Variants in GRID2 observed in about 807,000 individuals in gnomAD.
The protein encoded by GRID2 is glutamate ionotropic receptor delta type subunit 2, also known as glutamate receptor ionotropic, delta-2.
GRID2 carries 33 observed loss-of-function variants against 114.8 expected under a neutral mutation model. The ratio of observed to expected loss-of-function variants is 0.29; its 90% CI spans 0.22 to 0.38. GRID2 has a LOEUF of 0.38. Among genes scored for constraint, GRID2 ranks in the 10% least tolerant of loss-of-function variants. GRID2 has a pLI of 1.00. For synonymous variants in GRID2, 505 were observed against 449.9 expected, an observed-to-expected ratio of 1.12 and a Z score of -1.55; for missense variants, 1,184 against 1,257.7, an observed-to-expected ratio of 0.94 and a Z score of 0.89.
intron 9 of GRID2, among the ~76,000 whole-genome samples, chr4:93,419,833 C>T (rs1768087653): frequency 6.6e-6 from 1 of 151,928 alleles, no homozygotes. Flanking sequence ...AAAATATAAC[C>T]ATTTAGTACA....
chr4:92,469,504 G>A (rs1414721362), intron 1 of GRID2, among the ~76,000 whole-genome samples: 1 of 152,030 alleles, frequency 6.6e-6, no homozygotes, highest in African/African-American at 2.4e-5. Flanking sequence ...TATGTGAATA[G>A]TTGTCATACC....
intron 4 of GRID2, among the ~76,000 whole-genome samples, chr4:93,114,925 A>G (rs1304674204): frequency 5.9e-5 from 9 of 152,186 alleles, no homozygotes; most frequent in Non-Finnish European, 1.0e-4. Context: ...TGATGGATCA[A>G]TGATGTTCTG....
chr4:93,374,698 G>A (rs1033299853), intron 8 of GRID2, among the ~76,000 whole-genome samples: 1 of 152,038 alleles, frequency 6.6e-6, no homozygotes, highest in African/African-American at 2.4e-5. Context: ...GTTTCATCCT[G>A]TTTATATGAA....
chr4:92,880,667 C>A (rs139753907), intron 2 of GRID2, among the ~76,000 whole-genome samples: 1 of 151,718 alleles, frequency 6.6e-6, no homozygotes, highest in African/African-American at 2.4e-5. Flanking sequence ...ATGGCCTTTT[C>A]AAAAAAACAA....
chr4:93,209,173 T>C (rs10023234), intron 5 of GRID2, among the ~76,000 whole-genome samples: 59,461 of 151,784 alleles, frequency 0.39, 13,862 homozygotes, highest in Admixed American at 0.58. Context: ...TGGGGGTTTA[T>C]TGTACAGATT....
chr4:93,571,952 G>A (rs1161888532), intron 13 of GRID2, among the ~76,000 whole-genome samples: 1 of 152,184 alleles, frequency 6.6e-6, no homozygotes, highest in African/African-American at 2.4e-5. Context: ...AGGCTTAATC[G>A]CAGAAAAGGT....
intron 2 of GRID2, among the ~76,000 whole-genome samples, chr4:93,029,680 A>T (rs1724206416): frequency 6.6e-6 from 1 of 152,216 alleles, no homozygotes; most frequent in Non-Finnish European, 1.5e-5. Flanking sequence ...GAGTAATAGT[A>T]ACAAAATATA....
chr4:93,108,430 C>T (rs1269262937), intron 3 of GRID2, among the ~76,000 whole-genome samples: 1 of 152,078 alleles, frequency 6.6e-6, no homozygotes, highest in African/African-American at 2.4e-5. Flanking sequence ...TTTTTGTAAT[C>T]AGAAGATTTC....
At chr4:92,671,939 T>A (rs532318293) in intron 2 of GRID2, among the ~76,000 whole-genome samples, 2 of 152,248 alleles carry the variant, frequency 1.3e-5, no homozygotes, top group African/African-American at 4.8e-5. Context: ...CAGGATACTC[T>A]TACATACTGA....
At chr4:92,979,909 T>A (rs571274910) in intron 2 of GRID2, among the ~76,000 whole-genome samples, 1 of 152,090 alleles carries the variant, frequency 6.6e-6, no homozygotes, top group Non-Finnish European at 1.5e-5. Flanking sequence ...GTACTTAGAG[T>A]GGTCAGCAGG....
chr4:93,466,213 C>G (rs1724254925), intron 11 of GRID2, among the ~76,000 whole-genome samples: 1 of 152,068 alleles, frequency 6.6e-6, no homozygotes, highest in African/African-American at 2.4e-5. Flanking sequence ...AGTCTGAAAC[C>G]ATATGGGCTT....
At chr4:93,154,996 T>G (rs1022700917) in intron 4 of GRID2, among the ~76,000 whole-genome samples, 6 of 152,048 alleles carry the variant, frequency 3.9e-5, no homozygotes, top group African/African-American at 1.4e-4. Context: ...GTATTGGTCA[T>G]CTTTGCCTGG....
intron 1 of GRID2, among the ~76,000 whole-genome samples, chr4:92,313,487 A>G (rs903057392): frequency 3.9e-5 from 6 of 152,036 alleles, no homozygotes; most frequent in Non-Finnish European, 8.8e-5. Context: ...AAATTAAAAG[A>G]AAGAAAATAA....
chr4:93,769,600 T>C, intron 15 of GRID2, 150 bp downstream of exon 15: 1 of 698,424 alleles, frequency 1.4e-6, no homozygotes, highest in Non-Finnish European at 2.4e-6. Context: ...ATATAAAAAT[T>C]GGTAAGATCA....
chr4:93,050,395 G>A (rs2149279638), intron 2 of GRID2, among the ~76,000 whole-genome samples: 1 of 151,886 alleles, frequency 6.6e-6, no homozygotes, highest in Admixed American at 6.6e-5. Context: ...CCTTAATCAT[G>A]AATGCAAATA....
At chr4:93,479,037 C>T (rs1333605734) in intron 11 of GRID2, among the ~76,000 whole-genome samples, 2 of 152,016 alleles carry the variant, frequency 1.3e-5, no homozygotes, top group Admixed American at 6.6e-5. Context: ...GAGGATATTG[C>T]AGGTTCAGTT....
At chr4:92,383,773 T>G (rs1729731832) in intron 1 of GRID2, among the ~76,000 whole-genome samples, 1 of 151,994 alleles carries the variant, frequency 6.6e-6, no homozygotes, top group Non-Finnish European at 1.5e-5. Flanking sequence ...GTGTATATAA[T>G]ATTCAATAGT....
At chr4:92,655,647 G>T (rs1216938504) in intron 2 of GRID2, among the ~76,000 whole-genome samples, 3 of 151,484 alleles carry the variant, frequency 2.0e-5, no homozygotes, top group South Asian at 4.2e-4. Context: ...CTCTAAATGG[G>T]ATTGACTTCT....
chr4:92,947,892 T>G (rs1751755949), intron 2 of GRID2, among the ~76,000 whole-genome samples: 1 of 151,890 alleles, frequency 6.6e-6, no homozygotes. Context: ...CTATGTTGTT[T>G]GTTAATTACC....
Sources: allele counts gnomAD v4.1 joint callset (sites outside exome capture counted in the v4.1 genomes callset), GRCh38; gene constraint gnomAD v4.1.1; transcripts MANE v1.5; gene names NCBI Gene and HGNC (gene_info 2026-07-23, HGNC 2026-07-21).